The following CACNA2D3 variants were observed in gnomAD, a reference collection of about 807,000 sequenced individuals.
The protein encoded by CACNA2D3 is voltage-dependent calcium channel subunit alpha-2/delta-3.
In CACNA2D3, 60 loss-of-function variants were observed where a neutral mutation model predicts 160.6. The ratio of observed to expected loss-of-function variants is 0.37; its 90% CI spans 0.30 to 0.46. CACNA2D3 has a LOEUF of 0.46. Among genes scored for constraint, CACNA2D3 ranks in the 20% least tolerant of loss-of-function variants. The pLI, the probability that CACNA2D3 is intolerant of heterozygous loss-of-function variation, is 1.00. For synonymous variants in CACNA2D3, 558 were observed against 492.9 expected (o/e 1.13, Z -1.75); for missense variants, 1,205 against 1,365.0 (o/e 0.88, Z 1.85).
chr3:54,124,722 C>G (rs1305147714), intron 2 of CACNA2D3, among the ~76,000 whole-genome samples: 3 of 152,146 alleles, frequency 2.0e-5, no homozygotes, highest in African/African-American at 7.2e-5. Flanking sequence ...CATGGAATGA[C>G]AAAAGTTATT....
At chr3:55,000,900 C>A (rs988680028) in intron 31 of CACNA2D3, among the ~76,000 whole-genome samples, 1 of 152,168 alleles carries the variant, frequency 6.6e-6, no homozygotes. Flanking sequence ...TAGAATCTGT[C>A]AGAGCCTGCT....
In CACNA2D3 at chr3:54,681,880, G is replaced by A. The variant is rs558760652; in HGVS notation, c.1167+39639G>A. Among the ~76,000 whole-genome samples the A allele has an allele frequency of 3.9e-4, 60 of 152,012 alleles. No homozygotes were observed. In the South Asian group the frequency reaches 0.012, roughly 30 times the overall value. On this transcript the variant is annotated intron_variant, in intron 11 of 37. Transcript: ENST00000474759. ...TTACTTTTAGTAGAGATGGGGTTTC[G>A]CCAAGTTGGCCAGGCTGGTTTCAAA...
At chr3:55,020,719 C>T (rs950338140) in intron 35 of CACNA2D3, among the ~76,000 whole-genome samples, 1 of 151,774 alleles carries the variant, frequency 6.6e-6, no homozygotes, top group South Asian at 2.1e-4. Flanking sequence ...GGCATGGTGG[C>T]GGGCACCTGT....
chr3:54,358,887 T>C (rs1215880745), intron 3 of CACNA2D3, among the ~76,000 whole-genome samples: 4 of 152,232 alleles, frequency 2.6e-5, no homozygotes, highest in Admixed American at 2.0e-4. Flanking sequence ...TTGTTGGCTG[T>C]GTTCTAGGAC....
At chr3:54,288,838 T>C (rs1703106354) in intron 2 of CACNA2D3, among the ~76,000 whole-genome samples, 1 of 152,098 alleles carries the variant, frequency 6.6e-6, no homozygotes, top group African/African-American at 2.4e-5. Flanking sequence ...ATTATCTCAA[T>C]AGATGCAGAA....
intron 10 of CACNA2D3, among the ~76,000 whole-genome samples, chr3:54,637,044 C>A (rs573443487): frequency 6.6e-6 from 1 of 151,820 alleles, no homozygotes; most frequent in Non-Finnish European, 1.5e-5. Flanking sequence ...TTTGGCACCA[C>A]GGGGTGGATA....
intron 25 of CACNA2D3, among the ~76,000 whole-genome samples, chr3:54,891,808 C>G (rs80118782): frequency 0.011 from 1,690 of 152,326 alleles, 16 homozygotes; most frequent in Non-Finnish European, 0.018. Flanking sequence ...GGGTGTTCAG[C>G]TGTTCTGCAG....
At chr3:54,330,946 G>A (rs917777333) in intron 3 of CACNA2D3, among the ~76,000 whole-genome samples, 7 of 152,094 alleles carry the variant, frequency 4.6e-5, no homozygotes, top group Admixed American at 2.0e-4. Flanking sequence ...ATTTGGTAGA[G>A]ATGATTTTTT....
chr3:54,797,296 A>G (rs1011855613), intron 13 of CACNA2D3, among the ~76,000 whole-genome samples: 5 of 152,204 alleles, frequency 3.3e-5, no homozygotes, highest in African/African-American at 4.8e-5. Context: ...TTGTTCAGGA[A>G]TGTTCTAACA....
At chr3:54,971,614 C>T (rs1417654429) in intron 29 of CACNA2D3, among the ~76,000 whole-genome samples, 17 of 152,138 alleles carry the variant, frequency 1.1e-4, no homozygotes, top group Admixed American at 1.1e-3. Flanking sequence ...AATTTTATAA[C>T]TAAAGCCAGA....
rs185668425 is a variant in CACNA2D3 at position 54,928,085 on chromosome 3, A to G, written c.2449+28217A>G. ...AGTTGTTGCTTTCAAAAGACCATTT[A>G]TTTAAGCAGCCCTTCCCCTTGTCTC... On this transcript the variant is annotated intron_variant, in intron 27 of 37. Transcript: ENST00000474759. 1.6e-4 allele frequency: 101 copies of G among 629,364 alleles called. 2 individuals carry two copies. In the Middle Eastern group the frequency reaches 1.6e-3, roughly 10 times the overall value. 39.0% of individuals were successfully genotyped at this position (629,364 alleles called of 1,614,324 possible). A position where few individuals can be genotyped will look rare whatever the true frequency, so the allele number is the denominator to read the frequency against.
intron 12 of CACNA2D3, among the ~76,000 whole-genome samples, chr3:54,763,320 A>G (rs1296933656): frequency 6.6e-6 from 1 of 152,096 alleles, no homozygotes; most frequent in Non-Finnish European, 1.5e-5. Flanking sequence ...CCCCATCTGC[A>G]TCGGTCATCT....
chr3:54,545,412 G>C (rs920295557), intron 5 of CACNA2D3, among the ~76,000 whole-genome samples: 2 of 152,130 alleles, frequency 1.3e-5, no homozygotes, highest in Non-Finnish European at 2.9e-5. Flanking sequence ...TGTACTTCCT[G>C]TTAAATATGT....
At chr3:54,424,481 T>C (rs559134439) in intron 4 of CACNA2D3, among the ~76,000 whole-genome samples, 1 of 152,360 alleles carries the variant, frequency 6.6e-6, no homozygotes, top group East Asian at 1.9e-4. Context: ...TGGATGTACA[T>C]TAGCTGATCA....
intron 5 of CACNA2D3, among the ~76,000 whole-genome samples, chr3:54,524,697 A>G (rs888194916): frequency 2.0e-5 from 3 of 151,958 alleles, no homozygotes; most frequent in African/African-American, 4.8e-5. Context: ...TATAATTGTT[A>G]TATCTTCCCG....
intron 27 of CACNA2D3, chr3:54,918,826 A>C (rs776538620): frequency 6.2e-7 from 1 of 1,601,258 alleles, no homozygotes; most frequent in Admixed American, 1.7e-5. Context: ...CTCATGAGGG[A>C]TCCTAAGGAG....
chr3:54,876,147 C>G (rs1699653302), intron 18 of CACNA2D3: 1 of 152,098 alleles, frequency 6.6e-6, no homozygotes, highest in Non-Finnish European at 1.5e-5. Context: ...GTGGCAAGTT[C>G]AAAGCAGTGA....
At chr3:55,007,897 T>A (rs1378631899) in intron 33 of CACNA2D3, 55 bp downstream of exon 33, 2 of 1,222,284 alleles carry the variant, frequency 1.6e-6, no homozygotes, top group East Asian at 5.4e-5. Flanking sequence ...CCTTTTTGTA[T>A]CATAAAGTGA....
intron 3 of CACNA2D3, among the ~76,000 whole-genome samples, chr3:54,384,424 C>G (rs1388120309): frequency 2.0e-5 from 3 of 152,172 alleles, no homozygotes; most frequent in Non-Finnish European, 4.4e-5. Context: ...AGAATATGCT[C>G]TCAGAAACAC....
Sources: allele counts gnomAD v4.1 joint callset (sites outside exome capture counted in the v4.1 genomes callset), GRCh38; gene constraint gnomAD v4.1.1; transcripts MANE v1.5; gene names NCBI Gene and HGNC (gene_info 2026-07-23, HGNC 2026-07-21).